The following UBE2V1 variants were observed in gnomAD, a reference collection of about 807,000 sequenced individuals.
UBE2V1 encodes the protein ubiquitin conjugating enzyme E2 V1.
UBE2V1 carries 15 observed loss-of-function variants against 19.6 expected under a neutral mutation model. That is an observed-to-expected ratio of 0.77 (90% confidence interval 0.51 to 1.18). The LOEUF is 1.18. Ranked by LOEUF, UBE2V1 falls within the 50% of genes most tolerant of loss-of-function variation. The pLI, the probability that UBE2V1 is intolerant of heterozygous loss-of-function variation, is 0.00. For synonymous variants in UBE2V1, 60 were observed against 60.7 expected (o/e 0.99, Z 0.05); for missense variants, 125 against 184.8 (o/e 0.68, Z 1.88).
At chr20:50,096,502 G>T in intron 2 of UBE2V1, 170 bp downstream of exon 2, 1 of 1,518,764 alleles carries the variant, frequency 6.6e-7, no homozygotes. Flanking sequence ...GGGTTAAACA[G>T]CATCAGAGGA....
At chr20:50,087,520 G>A (rs1403118484) in intron 2 of UBE2V1, among the ~76,000 whole-genome samples, 2 of 152,104 alleles carry the variant, frequency 1.3e-5, no homozygotes, top group African/African-American at 4.8e-5. Flanking sequence ...AAGGAAATGT[G>A]CCTGAAGGAG....
chr20:50,089,213 C>T (rs1281444834), intron 2 of UBE2V1, among the ~76,000 whole-genome samples: 1 of 152,000 alleles, frequency 6.6e-6, no homozygotes, highest in African/African-American at 2.4e-5. Context: ...TGGAGTTTAC[C>T]AGGGTTGAGT....
At chr20:50,114,230 A>G (rs1292465079), upstream of UBE2V1, among the ~76,000 whole-genome samples, 1 of 152,232 alleles carries the variant, frequency 6.6e-6, no homozygotes, top group African/African-American at 2.4e-5. Context: ...AGAGCAAAAT[A>G]CTGGCAGAAG....
At chr20:50,113,295 G>T, upstream of UBE2V1, 1 of 469,324 alleles carries the variant, frequency 2.1e-6, no homozygotes, top group Non-Finnish European at 3.4e-6. Context: ...CCCTTTTAGA[G>T]AAAGGAAATA....
intron 3 of UBE2V1, chr20:50,083,897 A>T: frequency 2.5e-6 from 1 of 405,286 alleles, no homozygotes; most frequent in Non-Finnish European, 4.0e-6. Flanking sequence ...AAGAGCTCAT[A>T]TTTCAAAGCG....
chr20:50,102,256 A>C (rs2080047258), intron 1 of UBE2V1, among the ~76,000 whole-genome samples: 1 of 152,328 alleles, frequency 6.6e-6, no homozygotes, highest in Admixed American at 6.5e-5. Context: ...GTAGTTCAAA[A>C]AACAACAACA....
intron 2 of UBE2V1, among the ~76,000 whole-genome samples, chr20:50,093,850 G>T (rs112955321): frequency 6.6e-6 from 1 of 150,864 alleles, no homozygotes; most frequent in South Asian, 2.1e-4. Flanking sequence ...TTAGCTGGGC[G>T]TGGTGGCGGG....
chr20:50,085,776 T>C (rs2078879182), intron 2 of UBE2V1, among the ~76,000 whole-genome samples: 1 of 152,170 alleles, frequency 6.6e-6, no homozygotes, highest in East Asian at 1.9e-4. Context: ...TGTGAATTTC[T>C]ACCTACCCTC....
intron 2 of UBE2V1, among the ~76,000 whole-genome samples, chr20:50,092,577 G>A (rs903424014): frequency 1.3e-5 from 2 of 152,284 alleles, no homozygotes; most frequent in South Asian, 2.1e-4. Flanking sequence ...TACATGCCAC[G>A]TCTGAGAAAC....
chr20:50,100,357 G>T (rs1490034803), intron 1 of UBE2V1, among the ~76,000 whole-genome samples: 1 of 151,764 alleles, frequency 6.6e-6, no homozygotes, highest in African/African-American at 2.4e-5. Context: ...GGAGGCCGAG[G>T]TGGGTGGATC....
chr20:50,091,751 T>C (rs1165015665), intron 2 of UBE2V1, among the ~76,000 whole-genome samples: 1 of 152,168 alleles, frequency 6.6e-6, no homozygotes, highest in Non-Finnish European at 1.5e-5. Flanking sequence ...ATGTCCACCA[T>C]CTATTAGGTG....
chr20:50,098,941 T>G, intron 1 of UBE2V1: 6 of 985,436 alleles, frequency 6.1e-6, no homozygotes, highest in Non-Finnish European at 7.2e-6. Context: ...AACTGGATTA[T>G]TCAGCTATAC....
chr20:50,113,044 G>C (rs113250745), intron 1 of UBE2V1, 63 bp downstream of exon 1: 1 of 728,208 alleles, frequency 1.4e-6, no homozygotes, highest in Middle Eastern at 4.3e-4. Context: ...GGCTTTGAGG[G>C]TCCCCGGCCC....
At chr20:50,102,324 T>A (rs1413469274) in intron 1 of UBE2V1, among the ~76,000 whole-genome samples, 1 of 152,098 alleles carries the variant, frequency 6.6e-6, no homozygotes, top group Non-Finnish European at 1.5e-5. Flanking sequence ...CTGTTGAAAA[T>A]TTTTTAAATC....
intron 2 of UBE2V1, chr20:50,096,396 G>A (rs561129099): frequency 5.2e-5 from 32 of 619,232 alleles, no homozygotes; most frequent in Middle Eastern, 8.6e-4. Flanking sequence ...TGTTCTGAAC[G>A]ACATCTGATG....
upstream of UBE2V1, among the ~76,000 whole-genome samples, chr20:50,113,999 G>A (rs979052326): frequency 6.6e-6 from 1 of 152,182 alleles, no homozygotes; most frequent in African/African-American, 2.4e-5. Context: ...AAGAGCAGCA[G>A]AGGATGGTCA....
intron 1 of UBE2V1, among the ~76,000 whole-genome samples, chr20:50,101,528 C>G (rs2079993048): frequency 8.7e-6 from 1 of 114,956 alleles, no homozygotes; most frequent in South Asian, 2.8e-4. Flanking sequence ...AAGCAATTCT[C>G]ATGATGTTTA....
chr20:50,097,515 T>G (rs571760512), intron 1 of UBE2V1, among the ~76,000 whole-genome samples: 1 of 152,276 alleles, frequency 6.6e-6, no homozygotes, highest in African/African-American at 2.4e-5. Context: ...GGCTGAGGCT[T>G]GAGCCATTTC....
chr20:50,108,202 T>C (rs941417470), intron 1 of UBE2V1, among the ~76,000 whole-genome samples: 1 of 152,204 alleles, frequency 6.6e-6, no homozygotes, highest in Non-Finnish European at 1.5e-5. Context: ...AGAGGCTTTT[T>C]CCATCTTCCA....
Sources: allele counts gnomAD v4.1 joint callset (sites outside exome capture counted in the v4.1 genomes callset), GRCh38; gene constraint gnomAD v4.1.1; transcripts MANE v1.5; gene names NCBI Gene and HGNC (gene_info 2026-07-23, HGNC 2026-07-21).